ARHGAP25: variants seen among roughly 807,000 people sequenced by gnomAD.
ARHGAP25 encodes the protein Rho GTPase activating protein 25.
ARHGAP25 carries 34 observed loss-of-function variants against 71.0 expected under a neutral mutation model. The observed-to-expected ratio is 0.48, with a 90% confidence interval of 0.36 to 0.64. The LOEUF (loss-of-function observed/expected upper bound fraction) is 0.64, where lower values mean the gene tolerates loss of function less well. ARHGAP25 is among the 30% of genes least tolerant of loss of function. The probability of loss-of-function intolerance (pLI) is 0.00; values close to 1 mark genes in which losing one functional copy is unlikely to be tolerated. For synonymous variants in ARHGAP25, 282 were observed against 296.5 expected, an observed-to-expected ratio of 0.95 and a Z score of 0.50; for missense variants, 706 against 805.1, an observed-to-expected ratio of 0.88 and a Z score of 1.49.
intron 3 of ARHGAP25, among the ~76,000 whole-genome samples, chr2:68,787,010 A>C (rs1028623372): frequency 1.3e-5 from 2 of 152,264 alleles, no homozygotes; most frequent in Non-Finnish European, 2.9e-5. Flanking sequence ...GGATGAAGTT[A>C]GAGTTCAAGT....
chr2:68,772,467 T>C (rs956379203), intron 1 of ARHGAP25, among the ~76,000 whole-genome samples: 1 of 152,254 alleles, frequency 6.6e-6, no homozygotes, highest in African/African-American at 2.4e-5. Flanking sequence ...CACACCGGGA[T>C]AGACTTCACT....
intron 10 of ARHGAP25, among the ~76,000 whole-genome samples, chr2:68,824,424 A>G (rs528209240): frequency 5.3e-5 from 8 of 152,204 alleles, no homozygotes; most frequent in Non-Finnish European, 1.2e-4. Flanking sequence ...AACTTGGAGA[A>G]GAAAAGTAGA....
chr2:68,817,941 T>C lies in ARHGAP25; in HGVS notation c.950T>C (p.Ile317Thr), dbSNP rs773930152. The C allele has an allele frequency of 1.2e-6, 2 of 1,614,156 alleles. No homozygotes were observed. The highest frequency in any genetic ancestry group is 1.7e-6 in the Non-Finnish European group (2 of 1,179,984). Reference sequence around the variant, plus strand: ...AGTGTGGACAACCTGGCTACTGTGATTGGTGTGAATCTCATCAGGTCGAAG... The same window carrying C: ...AGTGTGGACAACCTGGCTACTGTGACTGGTGTGAATCTCATCAGGTCGAAG... ...KMSVDNLATV[I>T]GVNLIRSKVE... The change falls in exon 8 of 11, where the codon ATT becomes ACT. Residue 317 changes from isoleucine (I) to threonine (T), a missense_variant. By Grantham distance (89) the Ile-to-Thr change is moderately conservative. Coordinates refer to ENST00000409202, the MANE Select transcript of ARHGAP25 (RefSeq NM_001007231.3).
At chr2:68,778,524 A>G in intron 2 of ARHGAP25, among the ~76,000 whole-genome samples, 1 of 152,228 alleles carries the variant, frequency 6.6e-6, no homozygotes, top group East Asian at 1.9e-4. Context: ...TTTAAAAAGA[A>G]TGCACACAAA....
chr2:68,810,726 CTTCTCTTT>C (rs1475491173), intron 5 of ARHGAP25, among the ~76,000 whole-genome samples: 27 of 124,076 alleles, frequency 2.2e-4, no homozygotes, highest in South Asian at 5.4e-4. Context: ...CTTTTCTTTT[CTTCTCTTT>C]TTTTTTTTTT....
chr2:68,759,655 A>T (rs946612612), intron 1 of ARHGAP25, among the ~76,000 whole-genome samples: 9 of 151,986 alleles, frequency 5.9e-5, no homozygotes, highest in African/African-American at 1.7e-4. Flanking sequence ...GTTCTACCAA[A>T]CGTCTAAAGA....
rs764084464 is a variant in ARHGAP25 at position 68,822,365 on chromosome 2, C to G, written c.1226C>G (p.Pro409Arg). Residue 409 changes from proline to arginine, a missense_variant, in exon 10 of 11, where the codon CCC (proline) becomes CGC (arginine). Coordinates refer to ENST00000409202, the MANE Select transcript of ARHGAP25 (RefSeq NM_001007231.3). ...ACAAGCGACTCTGATACAACCAGCC[C>G]CACCGGACAGCAGCCGAGCGATGCG... is the stretch of plus-strand genomic sequence containing the variant. ...SMTSDSDTTS[P>R]TGQQPSDAFP... 6.2e-7 allele frequency: 1 copy of G among 1,613,924 alleles called. No homozygotes were observed. Among genetic ancestry groups the G allele is most frequent in the Non-Finnish European group, 8.5e-7 (1 of 1,179,972 alleles).
intron 1 of ARHGAP25, among the ~76,000 whole-genome samples, chr2:68,752,420 T>C (rs1676232566): frequency 6.6e-6 from 1 of 152,174 alleles, no homozygotes; most frequent in Non-Finnish European, 1.5e-5. Context: ...TATTTGATAG[T>C]AGGTCTCCAG....
At chr2:68,729,769 C>G (rs1674970546) in intron 2 of ARHGAP25, among the ~76,000 whole-genome samples, 1 of 152,134 alleles carries the variant, frequency 6.6e-6, no homozygotes, top group Admixed American at 6.5e-5. Context: ...ATACATAATT[C>G]ACATACCATG....
chr2:68,759,930 C>G (rs797008345), intron 1 of ARHGAP25, among the ~76,000 whole-genome samples: 6 of 152,058 alleles, frequency 3.9e-5, no homozygotes, highest in African/African-American at 1.4e-4. Flanking sequence ...ATGCAAAAAT[C>G]CTCAACAAAA....
At chr2:68,717,791 G>A (rs1375809835) in intron 2 of ARHGAP25, among the ~76,000 whole-genome samples, 1 of 152,092 alleles carries the variant, frequency 6.6e-6, no homozygotes, top group Non-Finnish European at 1.5e-5. Context: ...AAGTGTAGGG[G>A]TTTTTATGAG....
At chr2:68,762,182 CA>C (rs1329598680) in intron 1 of ARHGAP25, among the ~76,000 whole-genome samples, 2 of 152,166 alleles carry the variant, frequency 1.3e-5, no homozygotes, top group East Asian at 3.9e-4. Context: ...TTAGAGGAGA[CA>C]AATTCATAGA....
chr2:68,749,213 T>C (rs1027935201), intron 1 of ARHGAP25, among the ~76,000 whole-genome samples: 1 of 152,134 alleles, frequency 6.6e-6, no homozygotes, highest in African/African-American at 2.4e-5. Flanking sequence ...CACACTGAAT[T>C]TGTTATTTTG....
chr2:68,802,986 C>T (rs1194538365), intron 4 of ARHGAP25, among the ~76,000 whole-genome samples: 1 of 139,520 alleles, frequency 7.2e-6, no homozygotes, highest in African/African-American at 2.5e-5. Flanking sequence ...CATATATATA[C>T]ACACATATAC....
chr2:68,732,639 A>G (rs1182992229), upstream of ARHGAP25, among the ~76,000 whole-genome samples: 1 of 151,530 alleles, frequency 6.6e-6, no homozygotes, highest in Non-Finnish European at 1.5e-5. Flanking sequence ...ATCAGCAAAC[A>G]CTCCGGCCCT....
At chr2:68,780,193 C>T (rs990550139) in intron 2 of ARHGAP25, among the ~76,000 whole-genome samples, 2 of 152,178 alleles carry the variant, frequency 1.3e-5, no homozygotes, top group Non-Finnish European at 2.9e-5. Flanking sequence ...GGGCAATTAG[C>T]ATAGAGTCAG....
At position 68,819,132 on chromosome 2, in the gene ARHGAP25, A is replaced by C. The variant is rs1325584251; in HGVS notation, c.1013A>C (p.Gln338Pro). ...DPAVIMRGTP[Q>P]IQRVMTMMIR... is the part of the protein sequence containing the mutation. ...TTCTTCTGTCTTTCAGGGACTCCTC[A>C]GATCCAAAGAGTGATGACTATGATG... Residue 338 changes from glutamine (Q) to proline (P), a missense_variant, in exon 9 of 11, where the codon CAG (glutamine) becomes CCG (proline). Gln to Pro is a moderately conservative substitution (Grantham distance 76). Transcript: ENST00000409202. The C allele has an allele frequency of 6.4e-7, 1 of 1,553,784 alleles. No individual in the cohort carries two copies. The highest frequency in any genetic ancestry group is 1.4e-5 in the African/African-American group (1 of 72,866).
chr2:68,724,279 TC>T (rs2104260559), intron 2 of ARHGAP25, among the ~76,000 whole-genome samples: 1 of 152,240 alleles, frequency 6.6e-6, no homozygotes, highest in East Asian at 1.9e-4. Context: ...CCCTGAACTC[TC>T]CAGGTGTTAA....
chr2:68,760,850 G>T (rs1434062224), intron 1 of ARHGAP25, among the ~76,000 whole-genome samples: 1 of 140,234 alleles, frequency 7.1e-6, no homozygotes, highest in Non-Finnish European at 1.5e-5. Flanking sequence ...GAAACTCAAG[G>T]GATCCTGAAT....
Sources: allele counts gnomAD v4.1 joint callset (sites outside exome capture counted in the v4.1 genomes callset), GRCh38; gene constraint gnomAD v4.1.1; transcripts MANE v1.5; gene names NCBI Gene and HGNC (gene_info 2026-07-23, HGNC 2026-07-21).